Variants in PHLDB2 observed in about 807,000 individuals in gnomAD.
PHLDB2 encodes the protein pleckstrin homology like domain family B member 2.
PHLDB2 carries 71 observed loss-of-function variants against 123.6 expected under a neutral mutation model. The observed-to-expected ratio is 0.57, with a 90% CI of 0.47 to 0.70. The LOEUF is 0.70. Ranked by LOEUF, PHLDB2 falls within the 30% of genes least tolerant of loss-of-function variation. PHLDB2 has a pLI of 0.00. For synonymous variants in PHLDB2, 547 were observed against 541.6 expected, an observed-to-expected ratio of 1.01 and a Z score of -0.14; for missense variants, 1,446 against 1,519.5, an observed-to-expected ratio of 0.95 and a Z score of 0.80.
At chr3:111,951,741 C>A (rs2070731124) in intron 10 of PHLDB2, among the ~76,000 whole-genome samples, 1 of 151,914 alleles carries the variant, frequency 6.6e-6, no homozygotes, top group Non-Finnish European at 1.5e-5. Context: ...TTTTTGAGCT[C>A]ATTTTTGTGT....
chr3:111,793,221 C>G (rs992863545), intron 1 of PHLDB2, among the ~76,000 whole-genome samples: 1 of 152,212 alleles, frequency 6.6e-6, no homozygotes, highest in African/African-American at 2.4e-5. Flanking sequence ...CTCTATTCTA[C>G]TGTGGCTAAG....
At chr3:111,946,194 G>A (rs1226189653) in intron 9 of PHLDB2, among the ~76,000 whole-genome samples, 1 of 152,038 alleles carries the variant, frequency 6.6e-6, no homozygotes, top group African/African-American at 2.4e-5. Context: ...GCTGATTTTT[G>A]TATTTTTAGT....
upstream of PHLDB2, among the ~76,000 whole-genome samples, chr3:111,858,141 C>A (rs1321451948): frequency 6.6e-6 from 1 of 152,196 alleles, no homozygotes; most frequent in African/African-American, 2.4e-5. Flanking sequence ...AGAATGAATT[C>A]ATGTCCTTTG....
intron 11 of PHLDB2, among the ~76,000 whole-genome samples, chr3:111,953,593 G>A (rs576416950): frequency 2.4e-4 from 36 of 152,226 alleles, no homozygotes; most frequent in African/African-American, 6.5e-4. Flanking sequence ...TGCATGGTGC[G>A]CATGCATTCT....
chr3:111,805,276 T>A (rs571751495), intron 1 of PHLDB2, among the ~76,000 whole-genome samples: 1 of 152,094 alleles, frequency 6.6e-6, no homozygotes. Context: ...AAAAAATTAC[T>A]GGGGCCGGGC....
intron 1 of PHLDB2, among the ~76,000 whole-genome samples, chr3:111,761,528 T>A (rs2059994127): frequency 6.6e-6 from 1 of 152,222 alleles, no homozygotes; most frequent in Non-Finnish European, 1.5e-5. Flanking sequence ...CTAGGGAGAA[T>A]GAGTCACTAG....
intron 6 of PHLDB2, among the ~76,000 whole-genome samples, chr3:111,939,232 G>T (rs1338321596): frequency 2.6e-5 from 4 of 151,896 alleles, no homozygotes; most frequent in Admixed American, 6.6e-5. Flanking sequence ...TGGGTTTAAC[G>T]CAAGAATTCT....
chr3:111,923,700 T>C (rs2068656473), intron 5 of PHLDB2, among the ~76,000 whole-genome samples: 1 of 152,196 alleles, frequency 6.6e-6, no homozygotes, highest in Non-Finnish European at 1.5e-5. Flanking sequence ...TTCACCTATA[T>C]GTTCAACAGA....
At chr3:111,852,863 T>C (rs1234940740) in intron 2 of PHLDB2, among the ~76,000 whole-genome samples, 1 of 152,066 alleles carries the variant, frequency 6.6e-6, no homozygotes, top group Non-Finnish European at 1.5e-5. Flanking sequence ...AGGAGAACGT[T>C]TAATGCAGAA....
intron 1 of PHLDB2, chr3:111,859,961 C>T: frequency 7.3e-6 from 7 of 961,372 alleles, no homozygotes; most frequent in South Asian, 9.6e-5. Flanking sequence ...TCGGCAGTGC[C>T]CAGGCTGCGC....
chr3:111,749,797 A>G (rs186486459), intron 1 of PHLDB2, among the ~76,000 whole-genome samples: 1 of 152,340 alleles, frequency 6.6e-6, no homozygotes, highest in Admixed American at 6.5e-5. Flanking sequence ...GAACTGTTCT[A>G]CGACACTGAA....
At chr3:111,932,924 G>A (rs143859881) in intron 6 of PHLDB2, among the ~76,000 whole-genome samples, 114 of 152,278 alleles carry the variant, frequency 7.5e-4, no homozygotes, top group Middle Eastern at 3.4e-3. Flanking sequence ...CAAGACCCAA[G>A]ATGCAGGGCA....
At chr3:111,779,618 A>G (rs1401316056) in intron 1 of PHLDB2, among the ~76,000 whole-genome samples, 1 of 152,014 alleles carries the variant, frequency 6.6e-6, no homozygotes, top group Non-Finnish European at 1.5e-5. Context: ...AGTATATTCC[A>G]TGGTGTATAT....
intron 1 of PHLDB2, among the ~76,000 whole-genome samples, chr3:111,780,643 A>C (rs1310514716): frequency 6.6e-6 from 1 of 152,010 alleles, no homozygotes; most frequent in African/African-American, 2.4e-5. Context: ...GAACCATATG[A>C]GTTTTATGCT....
intron 1 of PHLDB2, among the ~76,000 whole-genome samples, chr3:111,804,521 T>C (rs2061497661): frequency 6.6e-6 from 1 of 152,222 alleles, no homozygotes; most frequent in Admixed American, 6.5e-5. Context: ...CCTACTGATG[T>C]ATTGTTTTCT....
intron 1 of PHLDB2, among the ~76,000 whole-genome samples, chr3:111,863,315 A>G (rs2064924640): frequency 6.6e-6 from 1 of 152,176 alleles, no homozygotes; most frequent in Admixed American, 6.5e-5. Flanking sequence ...TCCCTGCCTT[A>G]TCGGTTAAGA....
At chr3:111,789,395 A>C (rs574987333) in intron 1 of PHLDB2, among the ~76,000 whole-genome samples, 5 of 152,232 alleles carry the variant, frequency 3.3e-5, no homozygotes, top group African/African-American at 1.2e-4. Context: ...TAATTGGCAG[A>C]TATCTTCCAG....
chr3:111,812,075 T>A (rs1429855266), intron 1 of PHLDB2, among the ~76,000 whole-genome samples: 1 of 152,192 alleles, frequency 6.6e-6, no homozygotes, highest in Non-Finnish European at 1.5e-5. Context: ...TTCCAGTATT[T>A]AGATTAAAGA....
chr3:111,767,634 C>G (rs1197080318), intron 1 of PHLDB2, among the ~76,000 whole-genome samples: 1 of 152,112 alleles, frequency 6.6e-6, no homozygotes, highest in Non-Finnish European at 1.5e-5. Context: ...TAAATAATTC[C>G]TCTGAAGTAC....
Sources: gnomAD v4.1 joint callset for allele counts (sites outside exome capture counted in the v4.1 genomes callset) on GRCh38, gnomAD v4.1.1 for gene constraint, MANE v1.5 for transcripts, NCBI Gene and HGNC (gene_info 2026-07-23, HGNC 2026-07-21) for gene names.